The following TPD52 variants were observed in gnomAD, a reference collection of about 807,000 sequenced individuals.
The protein encoded by TPD52 is prostate and colon associated protein.
TPD52 carries 17 observed loss-of-function variants against 31.3 expected under a neutral mutation model. The observed-to-expected ratio is 0.54, with a 90% CI of 0.37 to 0.82. The LOEUF (loss-of-function observed/expected upper bound fraction) is 0.82. Among genes scored for constraint, TPD52 ranks in the 40% least tolerant of loss-of-function variants. The probability of loss-of-function intolerance (pLI) is 0.00; values close to 1 mark genes in which losing one functional copy is unlikely to be tolerated. For synonymous variants in TPD52, 83 were observed against 89.6 expected (o/e 0.93, Z 0.42); for missense variants, 212 against 240.1 (o/e 0.88, Z 0.77).
At chr8:80,067,153 A>T (rs928742841) in intron 1 of TPD52, 1 of 152,234 alleles carries the variant, frequency 6.6e-6, no homozygotes, top group African/African-American at 2.4e-5. Flanking sequence ...TTCTGGTTCT[A>T]TTCAAGTATG....
chr8:80,161,081 GA>G (rs1390988253), intron 1 of TPD52, among the ~76,000 whole-genome samples: 1 of 151,578 alleles, frequency 6.6e-6, no homozygotes, highest in East Asian at 1.9e-4. Flanking sequence ...AAAAGAAAAA[GA>G]AAAAAAGAAG....
chr8:80,154,609 C>A (rs1246196484), intron 1 of TPD52, among the ~76,000 whole-genome samples: 4 of 151,978 alleles, frequency 2.6e-5, no homozygotes, highest in Non-Finnish European at 5.9e-5. Context: ...GCCCAAAATT[C>A]ATACAGAGAA....
At chr8:80,118,777 G>A (rs963676221) in intron 1 of TPD52, among the ~76,000 whole-genome samples, 9 of 152,236 alleles carry the variant, frequency 5.9e-5, no homozygotes, top group Admixed American at 3.9e-4. Flanking sequence ...ATAAGTGTTG[G>A]TGACGATCCA....
downstream of TPD52, among the ~76,000 whole-genome samples, chr8:80,031,170 A>G (rs370827674): frequency 2.6e-5 from 4 of 152,336 alleles, no homozygotes; most frequent in East Asian, 1.9e-4. Context: ...TTTTGGGGGC[A>G]CACACCTTTC....
In TPD52 at chr8:80,137,410, A is replaced by C. The variant is rs1034962722; in HGVS notation, c.19+34015T>G. On this transcript the variant is annotated intron_variant, in intron 1 of 7. Coordinates refer to ENST00000518937, the MANE Select transcript of TPD52 (RefSeq NM_001025253.3). ...GCTTTTTTCTTAAAAAATGGAAACT[A>C]TATGTTAGATTTTTTTTTTAATATC... is the stretch of plus-strand genomic sequence containing the variant. Among the ~76,000 whole-genome samples, 3 of 126,766 alleles carry C rather than the reference A, an allele frequency of 2.4e-5. No homozygotes were observed. In the East Asian group the frequency reaches 1.0e-3, roughly 43 times the overall value. 83.2% of individuals were successfully genotyped at this position (126,766 alleles called of 152,430 possible). A position where few individuals can be genotyped will look rare whatever the true frequency, so the allele number is the denominator to read the frequency against.
chr8:80,078,805 A>G (rs912713947), intron 1 of TPD52, among the ~76,000 whole-genome samples: 2 of 152,226 alleles, frequency 1.3e-5, no homozygotes. Context: ...AATTGTGAAG[A>G]TAATCTTTCA....
chr8:80,049,296 C>T (rs905030755), intron 5 of TPD52, among the ~76,000 whole-genome samples: 2 of 152,168 alleles, frequency 1.3e-5, no homozygotes, highest in African/African-American at 4.8e-5. Context: ...TGGAACCTGT[C>T]CACAGTAGAC....
At chr8:80,053,749 T>C (rs1162232986) in intron 2 of TPD52, among the ~76,000 whole-genome samples, 1 of 152,100 alleles carries the variant, frequency 6.6e-6, no homozygotes, top group Non-Finnish European at 1.5e-5. Flanking sequence ...AGATAATACT[T>C]AATAAAGCAC....
intron 1 of TPD52, among the ~76,000 whole-genome samples, chr8:80,099,138 G>A (rs1806545629): frequency 6.6e-6 from 1 of 152,002 alleles, no homozygotes. Context: ...ACATACACTG[G>A]GAAACCAAAA....
chr8:80,168,203 C>A (rs184437874), intron 1 of TPD52, among the ~76,000 whole-genome samples: 1 of 152,144 alleles, frequency 6.6e-6, no homozygotes, highest in African/African-American at 2.4e-5. Context: ...GGGCCTGATA[C>A]TACAGAGCAT....
rs899680317 is a variant in TPD52 at position 80,105,775 on chromosome 8, A to G, written c.20-41182T>C. On this transcript the variant is annotated intron_variant, in intron 1 of 7. Coordinates refer to ENST00000518937, the MANE Select transcript of TPD52 (RefSeq NM_001025253.3). ...GAGATGGAGTCTGGCTCCGTCACCC[A>G]GGCTGGAGTGCAGCGGTGCAATCTT... Among the ~76,000 whole-genome samples, 12 of 132,022 alleles carry G rather than the reference A, an allele frequency of 9.1e-5. 1 individual carries two copies. The highest frequency in any genetic ancestry group is 2.4e-4 in the South Asian group (1 of 4,186). 86.6% of individuals were successfully genotyped at this position (132,022 alleles called of 152,430 possible).
intron 5 of TPD52, among the ~76,000 whole-genome samples, chr8:80,044,970 A>T (rs1810702338): frequency 6.6e-6 from 1 of 152,212 alleles, no homozygotes; most frequent in African/African-American, 2.4e-5. Flanking sequence ...ACGTGTCTTC[A>T]ATGTAGGTCC....
At chr8:80,148,963 A>C (rs1038148492) in intron 1 of TPD52, among the ~76,000 whole-genome samples, 13 of 152,150 alleles carry the variant, frequency 8.5e-5, no homozygotes, top group Non-Finnish European at 1.3e-4. Context: ...ACAAGGCCAA[A>C]TTTTTAGCTG....
chr8:80,110,723 A>C (rs1308337789), intron 1 of TPD52, among the ~76,000 whole-genome samples: 1 of 152,216 alleles, frequency 6.6e-6, no homozygotes, highest in Non-Finnish European at 1.5e-5. Flanking sequence ...GTAAATTAAA[A>C]CCAGAAACTG....
At chr8:80,101,602 C>A (rs1050228865) in intron 1 of TPD52, among the ~76,000 whole-genome samples, 18 of 152,040 alleles carry the variant, frequency 1.2e-4, no homozygotes, top group African/African-American at 4.3e-4. Context: ...AGCATGGCAC[C>A]AGCATCTGCT....
intron 1 of TPD52, among the ~76,000 whole-genome samples, chr8:80,094,121 C>A (rs921361506): frequency 1.3e-5 from 2 of 151,740 alleles, no homozygotes; most frequent in Non-Finnish European, 2.9e-5. Flanking sequence ...TTTATTTATT[C>A]CAGGAAGCTC....
intron 2 of TPD52, among the ~76,000 whole-genome samples, chr8:80,061,543 C>T (rs956864425): frequency 2.0e-5 from 3 of 151,200 alleles, no homozygotes; most frequent in Non-Finnish European, 2.9e-5. Flanking sequence ...ATTAACCAGG[C>T]AGATGGTGGC....
At chr8:80,090,020 G>C (rs1429993715) in intron 1 of TPD52, among the ~76,000 whole-genome samples, 2 of 152,200 alleles carry the variant, frequency 1.3e-5, no homozygotes, top group African/African-American at 2.4e-5. Context: ...TAGTGAGAGT[G>C]ATGGTAGATG....
chr8:80,147,475 C>CAA (rs1229259186), intron 1 of TPD52, among the ~76,000 whole-genome samples: 1 of 152,168 alleles, frequency 6.6e-6, no homozygotes, highest in African/African-American at 2.4e-5. Context: ...GAGTACATGA[C>CAA]AAACAGTCAA....
Sources: allele counts gnomAD v4.1 joint callset (sites outside exome capture counted in the v4.1 genomes callset), GRCh38; gene constraint gnomAD v4.1.1; transcripts MANE v1.5; gene names NCBI Gene and HGNC (gene_info 2026-07-23, HGNC 2026-07-21).